Variants in LDLRAD3 observed in about 807,000 individuals in gnomAD.
LDLRAD3 encodes the protein low-density lipoprotein receptor class A domain-containing protein 3.
In LDLRAD3, 20 loss-of-function variants were observed where a neutral mutation model predicts 29.4. The observed-to-expected ratio is 0.68, with a 90% CI of 0.48 to 0.99. The LOEUF is 0.99. Among genes scored for constraint, LDLRAD3 ranks in the 50% least tolerant of loss-of-function variants. The pLI is 0.00. For synonymous variants in LDLRAD3, 157 were observed against 192.7 expected, an observed-to-expected ratio of 0.81 and a Z score of 1.53; for missense variants, 420 against 454.3, an observed-to-expected ratio of 0.92 and a Z score of 0.69.
rs146848298 is a variant in LDLRAD3 at position 36,045,833 on chromosome 11, C to T, written c.193+9584C>T. ...AAATTTTATTTTAAGTTCTGGGATA[C>T]ATGTGCAGAAAGTGCAGGTGTGTTA... On this transcript the variant is annotated intron_variant, in intron 2 of 5. Transcript: ENST00000315571. Among the ~76,000 whole-genome samples the T allele has an allele frequency of 1.9e-3, 280 of 151,294 alleles. 2 individuals are homozygous for T. The East Asian group carries it at 0.038, about 21-fold the overall frequency.
chr11:36,159,602 T>TAAAAAAAAAAAAAA (rs66512652), intron 4 of LDLRAD3, among the ~76,000 whole-genome samples: 3 of 58,464 alleles, frequency 5.1e-5, no homozygotes, highest in African/African-American at 1.8e-4. Flanking sequence ...TTACAGAAAC[T>TAAAAAAAAAAAAAA]AAAAAAAAAA....
intron 1 of LDLRAD3, among the ~76,000 whole-genome samples, chr11:35,980,923 A>G (rs1479424016): frequency 9.2e-5 from 14 of 152,146 alleles, no homozygotes; most frequent in Non-Finnish European, 2.1e-4. Flanking sequence ...GGAACCTTGG[A>G]AATCCCCCAC....
chr11:36,073,659 GT>G (rs931201317), intron 2 of LDLRAD3, among the ~76,000 whole-genome samples: 4 of 152,272 alleles, frequency 2.6e-5, no homozygotes, highest in African/African-American at 9.6e-5. Context: ...TGATGCAAAT[GT>G]AAATCATAAC....
intron 4 of LDLRAD3, among the ~76,000 whole-genome samples, chr11:36,208,398 G>A (rs1039733902): frequency 1.3e-5 from 2 of 152,196 alleles, no homozygotes; most frequent in Non-Finnish European, 2.9e-5. Context: ...GCTGCTCTCT[G>A]CTTCTAAGAT....
At chr11:36,082,177 A>T (rs1006327504) in intron 3 of LDLRAD3, among the ~76,000 whole-genome samples, 1 of 152,184 alleles carries the variant, frequency 6.6e-6, no homozygotes, top group Non-Finnish European at 1.5e-5. Flanking sequence ...CTTAATGTTT[A>T]TGTGTTTGCT....
chr11:35,948,512 ATTG>A (rs1851089829), intron 1 of LDLRAD3, among the ~76,000 whole-genome samples: 1 of 151,354 alleles, frequency 6.6e-6, no homozygotes, highest in Non-Finnish European at 1.5e-5. Context: ...GCCTTCTTCT[ATTG>A]TTGTGAAAAA....
chr11:36,132,820 G>A (rs964970132), intron 4 of LDLRAD3, among the ~76,000 whole-genome samples: 5 of 152,184 alleles, frequency 3.3e-5, no homozygotes, highest in African/African-American at 4.8e-5. Flanking sequence ...GTACTCATGC[G>A]GGGCCGTGTA....
rs2133934815 is a variant in LDLRAD3, at chr11:35,945,167, A to T, written c.46+1023A>T. 2.0e-5 allele frequency among the ~76,000 whole-genome samples: 3 copies of T among 152,300 alleles called. No homozygotes were observed. In the South Asian group the frequency reaches 6.2e-4, roughly 32 times the overall value. On this transcript the variant is annotated intron_variant, in intron 1 of 5. Transcript: ENST00000315571. ...TGCCTGCCTGGTGTTTGTGCCATCC[A>T]CATGTCCAATAGCTGCCCTATTTTG...
At chr11:35,991,371 T>G (rs1472269128) in intron 1 of LDLRAD3, among the ~76,000 whole-genome samples, 1 of 152,206 alleles carries the variant, frequency 6.6e-6, no homozygotes, top group African/African-American at 2.4e-5. Flanking sequence ...GCAGAAGGCT[T>G]ATTCACTGCA....
At chr11:36,128,642 A>G (rs1472615485) in intron 4 of LDLRAD3, among the ~76,000 whole-genome samples, 1 of 152,120 alleles carries the variant, frequency 6.6e-6, no homozygotes, top group Non-Finnish European at 1.5e-5. Context: ...TGAGGTCGGG[A>G]CTTCAAGACC....
chr11:36,203,704 C>T (rs1434429209), intron 4 of LDLRAD3, among the ~76,000 whole-genome samples: 1 of 149,874 alleles, frequency 6.7e-6, no homozygotes, highest in East Asian at 2.0e-4. Context: ...TGTAGATTGT[C>T]CCTCACTGTA....
intron 1 of LDLRAD3, among the ~76,000 whole-genome samples, chr11:35,992,959 A>G (rs1250989720): frequency 6.6e-6 from 1 of 152,204 alleles, no homozygotes; most frequent in African/African-American, 2.4e-5. Context: ...GATATATTCT[A>G]ATTTATTCCA....
chr11:36,024,016 C>A (rs990969562), intron 1 of LDLRAD3, among the ~76,000 whole-genome samples: 16 of 152,182 alleles, frequency 1.1e-4, no homozygotes, highest in Admixed American at 2.0e-4. Flanking sequence ...GTCCTTAAAA[C>A]CTGGTGTCTG....
At chr11:36,156,370 CA>C (rs1854351406) in intron 4 of LDLRAD3, among the ~76,000 whole-genome samples, 1 of 152,174 alleles carries the variant, frequency 6.6e-6, no homozygotes, top group Non-Finnish European at 1.5e-5. Context: ...CAGCTCTGCC[CA>C]GCAGGACCCT....
chr11:36,075,099 A>G (rs780385851), intron 2 of LDLRAD3, among the ~76,000 whole-genome samples: 1 of 152,114 alleles, frequency 6.6e-6, no homozygotes, highest in Non-Finnish European at 1.5e-5. Context: ...AAGTCTGGAA[A>G]TTTGGTGTAC....
intron 4 of LDLRAD3, among the ~76,000 whole-genome samples, chr11:36,214,288 G>T (rs371635251): frequency 2.6e-5 from 4 of 152,302 alleles, no homozygotes; most frequent in Non-Finnish European, 2.9e-5. Context: ...GGCTGTGAGT[G>T]GGGGCAGACC....
At chr11:35,961,272 T>G (rs138770543) in intron 1 of LDLRAD3, among the ~76,000 whole-genome samples, 40 of 152,300 alleles carry the variant, frequency 2.6e-4, no homozygotes, top group African/African-American at 8.7e-4. Flanking sequence ...TGCAAGAAGA[T>G]AAGCAAAGCA....
intron 4 of LDLRAD3, among the ~76,000 whole-genome samples, chr11:36,191,564 CTCTCTCTCTCTCTATA>C (rs1272458850): frequency 2.6e-5 from 2 of 75,806 alleles, no homozygotes; most frequent in Non-Finnish European, 5.0e-5. Flanking sequence ...CTCTCTCTCT[CTCTCTCTCTCTCTATA>C]TATATATATA....
chr11:35,968,063 C>T (rs943041084), intron 1 of LDLRAD3: 15 of 460,130 alleles, frequency 3.3e-5, no homozygotes, highest in South Asian at 1.1e-4. Context: ...TTTCTACCTC[C>T]GAGCATTCTT....
Sources: allele counts gnomAD v4.1 joint callset (sites outside exome capture counted in the v4.1 genomes callset), GRCh38; gene constraint gnomAD v4.1.1; transcripts MANE v1.5; gene names NCBI Gene and HGNC (gene_info 2026-07-23, HGNC 2026-07-21).